TAX1BP1: variants seen among roughly 807,000 people sequenced by gnomAD.
The protein encoded by TAX1BP1 is Tax1 binding protein 1.
A neutral mutation model predicts 97.7 loss-of-function variants in TAX1BP1; 62 were observed. The observed-to-expected ratio is 0.63, with a 90% confidence interval of 0.52 to 0.78. The LOEUF is 0.78. Among genes scored for constraint, TAX1BP1 ranks in the 30% least tolerant of loss-of-function variants. The pLI is 0.00. For missense variants in TAX1BP1, 867 were observed against 916.1 expected (o/e 0.95, Z 0.69); for synonymous variants, 340 against 304.2 (o/e 1.12, Z -1.23).
At chr7:27,775,568 CAA>C (rs201507387) in intron 5 of TAX1BP1, among the ~76,000 whole-genome samples, 2,349 of 152,230 alleles carry the variant, frequency 0.015, 51 homozygotes, top group Non-Finnish European at 0.018. Flanking sequence ...GGATGAGACA[CAA>C]GAGAGATTCT....
chr7:27,758,024 C>A lies in TAX1BP1; in HGVS notation c.163-7C>A. 6.3e-7 allele frequency: 1 copy of A among 1,593,460 alleles called. No homozygotes were observed. Among genetic ancestry groups the A allele is most frequent in the Non-Finnish European group, 8.6e-7 (1 of 1,169,278 alleles). ...ATAAATCCGCCTTTTTTGTTATTTC[C>A]CTTTAGGTTGGATGGAGTACTGCTC... On this transcript the variant is annotated splice_polypyrimidine_tract_variant and splice_region_variant and intron_variant, in intron 2 of 16. Coordinates refer to ENST00000396319, the MANE Select transcript of TAX1BP1 (RefSeq NM_006024.7).
chr7:27,793,224 T>G lies in TAX1BP1; in HGVS notation c.1410+12T>G, dbSNP rs1422108576. On this transcript the variant is annotated intron_variant, in intron 10 of 16. Transcript: ENST00000396319. Reference sequence around the variant, plus strand: ...TTTCAGATCAATCAGTAAGTATCATTAAATTTACACATAGTAAAATGTGTT... The same window carrying G: ...TTTCAGATCAATCAGTAAGTATCATGAAATTTACACATAGTAAAATGTGTT... The G allele has an allele frequency of 5.1e-6, 8 of 1,561,694 alleles. No homozygotes were observed. Among genetic ancestry groups the G allele is most frequent in the Non-Finnish European group, 6.9e-6 (8 of 1,164,908 alleles).
rs1788856768 is a variant in TAX1BP1, at chr7:27,771,731, A to G, written c.612+1897A>G. Reference sequence around the variant, plus strand: ...TCTTAAATCTTGATGACAGTCACGAATCTTGGAGGAGACTGCTTCTCTGCT... The same window carrying G: ...TCTTAAATCTTGATGACAGTCACGAGTCTTGGAGGAGACTGCTTCTCTGCT... On this transcript the variant is annotated intron_variant, in intron 5 of 16. Coordinates refer to ENST00000396319, the MANE Select transcript of TAX1BP1 (RefSeq NM_006024.7). Among the ~76,000 whole-genome samples the G allele has an allele frequency of 2.6e-5, 4 of 152,014 alleles. No homozygotes were observed. The South Asian group carries it at 8.3e-4, about 31-fold the overall frequency.
At chr7:27,803,075 G>GA (rs776511072) in intron 13 of TAX1BP1, 81 of 1,527,856 alleles carry the variant, frequency 5.3e-5, no homozygotes, top group South Asian at 2.0e-4. Flanking sequence ...GTAGGTAAAT[G>GA]AAAAAAAATA....
Position 27,742,202 on chromosome 7 carries a change from A to G in TAX1BP1, c.-8+1933A>G, listed in dbSNP as rs1366548362. On this transcript the variant is annotated intron_variant, in intron 1 of 16. Coordinates refer to ENST00000396319, the MANE Select transcript of TAX1BP1 (RefSeq NM_006024.7). ...TAATCCTCCTCAGCACAGACCCTTT[A>G]CGGATGTCGGGCTGGGGGATGGTCA... is the stretch of plus-strand genomic sequence containing the variant. 2.6e-5 allele frequency among the ~76,000 whole-genome samples: 4 copies of G among 152,114 alleles called. No individual in the cohort carries two copies. In the East Asian group the frequency reaches 7.7e-4, roughly 29 times the overall value.
intron 2 of TAX1BP1, among the ~76,000 whole-genome samples, chr7:27,755,356 C>T (rs918974871): frequency 3.9e-5 from 6 of 152,138 alleles, no homozygotes; most frequent in Non-Finnish European, 8.8e-5. Flanking sequence ...GGCTTGTCTC[C>T]CTTTATTCAT....
chr7:27,753,645 A>T (rs1788102198), intron 2 of TAX1BP1, among the ~76,000 whole-genome samples: 1 of 152,132 alleles, frequency 6.6e-6, no homozygotes, highest in African/African-American at 2.4e-5. Flanking sequence ...AACAACAATA[A>T]CTAAAAATAG....
intron 5 of TAX1BP1, 83 bp from the exon 6 acceptor site, chr7:27,785,080 C>T: frequency 7.3e-7 from 1 of 1,369,588 alleles, no homozygotes; most frequent in South Asian, 1.6e-5. Context: ...TCTAAGAATA[C>T]ATAGTTTTCT....
intron 1 of TAX1BP1, among the ~76,000 whole-genome samples, chr7:27,740,550 G>A (rs1787537486): frequency 6.6e-6 from 1 of 152,174 alleles, no homozygotes; most frequent in African/African-American, 2.4e-5. Context: ...ACAGGCCTTC[G>A]CGATTTGGGG....
intron 13 of TAX1BP1, among the ~76,000 whole-genome samples, chr7:27,811,155 G>GTA (rs1417548063): frequency 6.6e-6 from 1 of 152,120 alleles, no homozygotes; most frequent in Non-Finnish European, 1.5e-5. Flanking sequence ...GGTGTGCTAG[G>GTA]TATCTTGAAA....
chr7:27,773,975 T>G (rs1788937141), intron 5 of TAX1BP1, among the ~76,000 whole-genome samples: 1 of 152,138 alleles, frequency 6.6e-6, no homozygotes, highest in African/African-American at 2.4e-5. Context: ...ATGGATGTGA[T>G]GTACTTCAAG....
chr7:27,741,091 TAC>T, intron 1 of TAX1BP1, among the ~76,000 whole-genome samples: 2 of 152,364 alleles, frequency 1.3e-5, no homozygotes, highest in East Asian at 3.9e-4. Context: ...ACTTTAGACA[TAC>T]ACAGTGTTAG....
At chr7:27,795,450 G>C (rs1314844645) in intron 11 of TAX1BP1, among the ~76,000 whole-genome samples, 1 of 151,894 alleles carries the variant, frequency 6.6e-6, no homozygotes, top group Non-Finnish European at 1.5e-5. Context: ...TTTCAGAGAG[G>C]GGAAAGAGAA....
chr7:27,778,548 T>A (rs1789122251), intron 5 of TAX1BP1, among the ~76,000 whole-genome samples: 1 of 152,180 alleles, frequency 6.6e-6, no homozygotes, highest in South Asian at 2.1e-4. Context: ...TATATTAACT[T>A]CAGTTACCTT....
intron 8 of TAX1BP1, among the ~76,000 whole-genome samples, chr7:27,789,828 ATG>A (rs1194843017): frequency 6.6e-6 from 1 of 152,000 alleles, no homozygotes; most frequent in Non-Finnish European, 1.5e-5. Context: ...TTACTTTTTA[ATG>A]TAACAGATTG....
At chr7:27,754,510 T>C (rs942328976) in intron 2 of TAX1BP1, among the ~76,000 whole-genome samples, 2 of 151,680 alleles carry the variant, frequency 1.3e-5, no homozygotes, top group African/African-American at 4.8e-5. Context: ...TGTTAATGTT[T>C]TAAGTATTTC....
At chr7:27,741,107 T>G (rs1787579077) in intron 1 of TAX1BP1, among the ~76,000 whole-genome samples, 1 of 152,260 alleles carries the variant, frequency 6.6e-6, no homozygotes, top group Non-Finnish European at 1.5e-5. Flanking sequence ...GTGTTAGATT[T>G]CCGGTTTCAC....
intron 3 of TAX1BP1, among the ~76,000 whole-genome samples, chr7:27,760,856 G>A (rs1367005146): frequency 6.6e-6 from 1 of 152,162 alleles, no homozygotes; most frequent in Non-Finnish European, 1.5e-5. Context: ...AATCCTGCGT[G>A]CTTTAAGACA....
chr7:27,785,343 A>G (rs773951272), intron 6 of TAX1BP1, 32 bp downstream of exon 6: 1 of 1,588,424 alleles, frequency 6.3e-7, no homozygotes, highest in South Asian at 1.2e-5. Flanking sequence ...AATAAATTCA[A>G]TAAAAATTTT....
Sources: gnomAD v4.1 joint callset for allele counts (sites outside exome capture counted in the v4.1 genomes callset) on GRCh38, gnomAD v4.1.1 for gene constraint, MANE v1.5 for transcripts, NCBI Gene and HGNC (gene_info 2026-07-23, HGNC 2026-07-21) for gene names.